Variants in PDZD2 observed in about 807,000 individuals in gnomAD.
PDZD2 encodes the protein PDZ domain containing 2, also known as PDZ domain-containing protein 2.
PDZD2 carries 90 observed loss-of-function variants against 220.7 expected under a neutral mutation model. That is an observed-to-expected ratio of 0.41 (90% confidence interval 0.34 to 0.49). PDZD2 has a LOEUF of 0.49. PDZD2 is among the 20% of genes least tolerant of loss of function. PDZD2 has a pLI of 0.28. For missense variants in PDZD2, 3,174 were observed against 3,608.5 expected (o/e 0.88, Z 3.08); for synonymous variants, 1,375 against 1,450.5 (o/e 0.95, Z 1.18).
chr5:31,996,933 G>A (rs750270253), intron 4 of PDZD2, among the ~76,000 whole-genome samples: 1 of 152,244 alleles, frequency 6.6e-6, no homozygotes, highest in Non-Finnish European at 1.5e-5. Flanking sequence ...TGATCTGGAA[G>A]TAGGAAGAGG....
chr5:31,729,392 C>T (rs918563277), intron 1 of PDZD2, among the ~76,000 whole-genome samples: 1 of 152,112 alleles, frequency 6.6e-6, no homozygotes, highest in Non-Finnish European at 1.5e-5. Context: ...CCACCGTGCC[C>T]GGCCGAGAGA....
rs750088160 is a variant in PDZD2, at chr5:32,089,219, A to T, written c.5771A>T (p.His1924Leu). The change falls in exon 20 of 25, where the codon CAC becomes CTC. Residue 1924 changes from histidine (H) to leucine (L), a missense_variant. This residue lies in a region of PDZD2 where 1,861 missense variants were observed against 2,001.0 expected (regional missense o/e 0.93). Coordinates refer to ENST00000438447, the MANE Select transcript of PDZD2 (RefSeq NM_178140.4). The part of the protein sequence containing the change: ...RKPLISPQTS[H>L]KTLSKAVSQR... ...CCCTTGATCTCACCCCAGACCTCCC[A>T]CAAAACACTTTCTAAGGCAGTGTCA... 6.2e-7 allele frequency: 1 copy of T among 1,614,148 alleles called. No individual in the cohort carries two copies. The highest frequency in any genetic ancestry group is 8.5e-7 in the Non-Finnish European group (1 of 1,180,012).
At chr5:31,669,321 G>C (rs1746121349) in intron 1 of PDZD2, among the ~76,000 whole-genome samples, 1 of 150,944 alleles carries the variant, frequency 6.6e-6, no homozygotes, top group Non-Finnish European at 1.5e-5. Context: ...AGGATCACTG[G>C]AGCCCAGGAG....
At chr5:31,733,055 T>C (rs1463221545) in intron 1 of PDZD2, among the ~76,000 whole-genome samples, 1 of 152,182 alleles carries the variant, frequency 6.6e-6, no homozygotes, top group African/African-American at 2.4e-5. Flanking sequence ...ATAAACTTTT[T>C]ATTGAATTAT....
At chr5:32,081,498 T>A (rs1446867884) in intron 19 of PDZD2, among the ~76,000 whole-genome samples, 1 of 152,212 alleles carries the variant, frequency 6.6e-6, no homozygotes, top group Non-Finnish European at 1.5e-5. Flanking sequence ...CTCAAGGGCT[T>A]TTGGGGTGTA....
intron 1 of PDZD2, among the ~76,000 whole-genome samples, chr5:31,717,739 C>A (rs1169063223): frequency 2.6e-5 from 4 of 152,200 alleles, no homozygotes; most frequent in African/African-American, 9.6e-5. Context: ...AGAGCCTGAG[C>A]ACTAACTCAG....
At chr5:31,875,627 TTAAA>T (rs984311272) in intron 2 of PDZD2, among the ~76,000 whole-genome samples, 1 of 147,698 alleles carries the variant, frequency 6.8e-6, no homozygotes, top group South Asian at 2.1e-4. Flanking sequence ...AAATATATGT[TTAAA>T]TATATACAAA....
At chr5:32,017,383 G>A (rs966840115) in intron 6 of PDZD2, among the ~76,000 whole-genome samples, 1 of 151,830 alleles carries the variant, frequency 6.6e-6, no homozygotes, top group Non-Finnish European at 1.5e-5. Flanking sequence ...ACGTGGCAGT[G>A]AGCCGAGATG....
rs142166241 is a variant in PDZD2 at position 32,085,315 on chromosome 5, A to G, written c.3683-1816A>G. 2.1e-3 allele frequency among the ~76,000 whole-genome samples: 311 copies of G among 149,380 alleles called. 28 individuals are homozygous for G. The highest frequency in any genetic ancestry group is 7.5e-3 in the African/African-American group (293 of 39,150). The stretch of plus-strand genomic sequence containing the variant: ...CTTATGGAGCACAAAGTGGTACTTC[A>G]GTACATATATACATTGTGCAATGAT... On this transcript the variant is annotated intron_variant, in intron 19 of 24. Transcript: ENST00000438447.
chr5:31,782,143 C>T (rs978535093), intron 1 of PDZD2, among the ~76,000 whole-genome samples: 4 of 152,138 alleles, frequency 2.6e-5, no homozygotes, highest in African/African-American at 9.7e-5. Context: ...GACAGACATG[C>T]AGGTCACAGA....
Position 32,088,352 on chromosome 5 carries a change from A to C in PDZD2, c.4904A>C (p.Tyr1635Ser). The change falls in exon 20 of 25, where the codon TAC (tyrosine) becomes TCC (serine). Residue 1635 changes from tyrosine to serine, a missense_variant. Tyr to Ser is a moderately radical substitution (Grantham distance 144). Around this residue, in one of 4 missense-constraint regions of PDZD2, gnomAD observed 1,861 missense variants for 2,001.0 expected, o/e 0.93. Transcript: ENST00000438447. The surrounding 1 kb of genome is among the most constrained non-coding windows in gnomAD (Gnocchi z 4.6). ...TCAGCCAAAGTTCTGTCATTAAAAT[A>C]CAGCACTCCGAGAGAGTCGGTGGCC... is the stretch of plus-strand genomic sequence containing the variant. ...PASAKVLSLK[Y>S]STPRESVASP... is the part of the protein sequence containing the mutation. The C allele has an allele frequency of 6.2e-7, 1 of 1,614,118 alleles. No individual in the cohort carries two copies. The highest frequency in any genetic ancestry group is 8.5e-7 in the Non-Finnish European group (1 of 1,180,034).
chr5:31,922,909 A>G (rs187542210), intron 2 of PDZD2, among the ~76,000 whole-genome samples: 196 of 131,012 alleles, frequency 1.5e-3, no homozygotes, highest in African/African-American at 5.3e-3. Flanking sequence ...TGAACTCCTG[A>G]CCTCTAGCAA....
chr5:31,882,987 G>A (rs1580984953), intron 2 of PDZD2, among the ~76,000 whole-genome samples: 1 of 121,376 alleles, frequency 8.2e-6, no homozygotes, highest in Middle Eastern at 7.7e-3. Flanking sequence ...CCAAGATCCT[G>A]CCACTGCATT....
chr5:31,838,487 T>C (rs746739347), intron 2 of PDZD2, among the ~76,000 whole-genome samples: 3 of 152,254 alleles, frequency 2.0e-5, no homozygotes, highest in Non-Finnish European at 4.4e-5. Context: ...ATTTTGATAA[T>C]TAACCTTCGT....
intron 2 of PDZD2, among the ~76,000 whole-genome samples, chr5:31,819,022 G>C (rs776658023): frequency 2.6e-5 from 4 of 152,196 alleles, no homozygotes; most frequent in Non-Finnish European, 5.9e-5. Context: ...TGAGTGAAAA[G>C]TTTCCTCAGT....
At chr5:31,779,301 C>G (rs1752916159) in intron 1 of PDZD2, among the ~76,000 whole-genome samples, 1 of 151,916 alleles carries the variant, frequency 6.6e-6, no homozygotes, top group African/African-American at 2.4e-5. Flanking sequence ...CTATCACCCC[C>G]AATTCCACCT....
chr5:31,939,406 G>A (rs1746031685), intron 2 of PDZD2, among the ~76,000 whole-genome samples: 1 of 152,228 alleles, frequency 6.6e-6, no homozygotes. Context: ...TTAGGAATCA[G>A]CACGTGAGAA....
At chr5:31,920,490 C>G (rs993350893) in intron 2 of PDZD2, among the ~76,000 whole-genome samples, 30 of 118,756 alleles carry the variant, frequency 2.5e-4, no homozygotes, top group African/African-American at 1.0e-3. Context: ...AGGGTTCGCT[C>G]TTGGTGTTAT....
At chr5:31,803,241 G>A (rs1009158709) in intron 2 of PDZD2, among the ~76,000 whole-genome samples, 1 of 148,570 alleles carries the variant, frequency 6.7e-6, no homozygotes, top group Non-Finnish European at 1.5e-5. Flanking sequence ...GTGTCTGCAG[G>A]TGTGCACCAC....
Sources: allele counts gnomAD v4.1 joint callset (sites outside exome capture counted in the v4.1 genomes callset), GRCh38; gene constraint gnomAD v4.1.1; regional missense constraint gnomAD v4.1.1; non-coding constraint Gnocchi (gnomAD v3.1); transcripts MANE v1.5; gene names NCBI Gene and HGNC (gene_info 2026-07-23, HGNC 2026-07-21).